ERBB2: variants seen among roughly 807,000 people sequenced by gnomAD.
ERBB2 encodes erb-b2 receptor tyrosine kinase 2.
A neutral mutation model predicts 149.0 loss-of-function variants in ERBB2; 61 were observed. The observed-to-expected ratio is 0.41, with a 90% confidence interval of 0.33 to 0.51. The LOEUF is 0.51. ERBB2 is among the 20% of genes least tolerant of loss of function. The probability of loss-of-function intolerance (pLI) is 0.25; values close to 1 mark genes in which losing one functional copy is unlikely to be tolerated. For missense variants in ERBB2, 1,205 were observed against 1,655.1 expected (o/e 0.73, Z 4.72); for synonymous variants, 633 against 678.8 (o/e 0.93, Z 1.05).
At chr17:39,715,209 G>A (rs1251210375) in intron 9 of ERBB2, 77 bp from the exon 10 acceptor site, 3 of 1,230,210 alleles carry the variant, frequency 2.4e-6, no homozygotes, top group African/African-American at 3.0e-5. Context: ...ATGGTGGGGA[G>A]TGGCTGGCAT....
At chr17:39,704,695 A>AAG in intron 1 of ERBB2, among the ~76,000 whole-genome samples, 1 of 152,246 alleles carries the variant, frequency 6.6e-6, no homozygotes, top group Non-Finnish European at 1.5e-5. Context: ...GTTAGCCAGC[A>AAG]AGCCTCCAGT....
rs2143058017 is a variant in ERBB2, at chr17:39,725,698, C to T, written c.2726-9C>T. The T allele has an allele frequency of 6.2e-7, 1 of 1,604,058 alleles. No homozygotes were observed. Among genetic ancestry groups the T allele is most frequent in the Non-Finnish European group, 8.5e-7 (1 of 1,174,706 alleles). ...GGCCCTCCCACTCCTGACCCTGTCT[C>T]TGCCTTAGGTGTGACTGTGTGGGAG... On this transcript the variant is annotated splice_polypyrimidine_tract_variant and intron_variant, in intron 22 of 26. Coordinates refer to ENST00000269571, the MANE Select transcript of ERBB2 (RefSeq NM_004448.4). This position sits in a 1 kb window ranked among gnomAD's most constrained non-coding sequence, Gnocchi z 4.6.
At position 39,723,357 on chromosome 17, in the gene ERBB2, T is replaced by C. The variant is rs2145803531; in HGVS notation, c.1985T>C (p.Leu662Pro). The C allele has an allele frequency of 6.2e-7, 1 of 1,614,060 alleles. No individual in the cohort carries two copies. Among genetic ancestry groups the C allele is most frequent in the Non-Finnish European group, 8.5e-7 (1 of 1,179,988 alleles). Residue 662 changes from leucine to proline, a missense_variant, in exon 17 of 27, where the codon CTG becomes CCG. Transcript: ENST00000269571. This position sits in a 1 kb window ranked among gnomAD's most constrained non-coding sequence, Gnocchi z 6.2. Reference protein sequence around the residue: ...TSIISAVVGILLVVVLGVVFG... With the variant: ...TSIISAVVGIPLVVVLGVVFG... ...ATCATCTCTGCGGTGGTTGGCATTC[T>C]GCTGGTCGTGGTCTTGGGGGTGGTC...
chr17:39,705,488 A>G (rs1324725123), intron 1 of ERBB2, among the ~76,000 whole-genome samples: 2 of 152,084 alleles, frequency 1.3e-5, no homozygotes, highest in Non-Finnish European at 2.9e-5. Flanking sequence ...AGGGGGTGCA[A>G]GTGGGTGAGG....
chr17:39,690,308 A>G (rs772526769), upstream of ERBB2, among the ~76,000 whole-genome samples: 7 of 152,232 alleles, frequency 4.6e-5, no homozygotes, highest in Middle Eastern at 3.4e-3. Context: ...CTGGTCTCCA[A>G]TTCCTGGGCT....
Position 39,710,210 on chromosome 17 carries a change from C to T in ERBB2, c.759+9C>T, listed in dbSNP as rs2145507676. The T allele has an allele frequency of 1.2e-6, 2 of 1,611,872 alleles. No homozygotes were observed. The highest frequency in any genetic ancestry group is 2.2e-5 in the South Asian group (2 of 91,048). On this transcript the variant is annotated intron_variant, in intron 6 of 26. Coordinates refer to ENST00000269571, the MANE Select transcript of ERBB2 (RefSeq NM_004448.4). ...AGCACTCTGACTGCCTGGTATGTGC[C>T]TCTGCTTTGTGCCCAATGTGCTCTA...
upstream of ERBB2, among the ~76,000 whole-genome samples, chr17:39,695,758 C>CGT (rs71147372): frequency 1.3e-5 from 2 of 148,802 alleles, no homozygotes; most frequent in Non-Finnish European, 3.0e-5. Context: ...CACACACACA[C>CGT]GTCTCCTGTG....
chr17:39,717,955 G>A (rs965338106), intron 15 of ERBB2, among the ~76,000 whole-genome samples: 3 of 151,974 alleles, frequency 2.0e-5, no homozygotes, highest in South Asian at 2.1e-4. Flanking sequence ...CTGGGATTAC[G>A]GGAACGTGCT....
intron 7 of ERBB2, among the ~76,000 whole-genome samples, chr17:39,710,832 C>A (rs1030199850): frequency 6.6e-6 from 1 of 152,204 alleles, no homozygotes; most frequent in Non-Finnish European, 1.5e-5. Context: ...ATTTGTAAAG[C>A]TCTTAGAACG....
At position 39,727,398 on chromosome 17, in the gene ERBB2, G is replaced by A. The variant is rs749154778; in HGVS notation, c.3263G>A (p.Gly1088Asp). 19 of 1,610,604 alleles carry A rather than the reference G, an allele frequency of 1.2e-5. No individual in the cohort carries two copies. The highest frequency in any genetic ancestry group is 1.6e-5 in the Non-Finnish European group (19 of 1,178,802). The change falls in exon 26 of 27, where the codon GGT (glycine) becomes GAT (aspartate). Residue 1088 changes from glycine to aspartate, a missense_variant. Around this residue, in one of 6 missense-constraint regions of ERBB2, gnomAD observed 312 missense variants for 343.8 expected, o/e 0.91. Coordinates refer to ENST00000269571, the MANE Select transcript of ERBB2 (RefSeq NM_004448.4). This position sits in a 1 kb window ranked among gnomAD's most constrained non-coding sequence, Gnocchi z 4.3. ...GGGGCTGGCTCCGATGTATTTGATGGTGACCTGGGAATGGGGGCAGCCAAG... is the reference window on the plus strand; with the variant it reads ...GGGGCTGGCTCCGATGTATTTGATGATGACCTGGGAATGGGGGCAGCCAAG... ...SEGAGSDVFD[G>D]DLGMGAAKGL...
chr17:39,719,337 A>G (rs541149728), intron 15 of ERBB2, among the ~76,000 whole-genome samples: 2 of 152,310 alleles, frequency 1.3e-5, no homozygotes, highest in South Asian at 2.1e-4. Flanking sequence ...GTGTTAGAAC[A>G]TGGAAAAACA....
intron 3 of ERBB2, 52 bp from the exon 4 acceptor site, chr17:39,709,266 G>A (rs2058652635): frequency 6.2e-7 from 1 of 1,606,714 alleles, no homozygotes; most frequent in East Asian, 2.2e-5. Flanking sequence ...CCCAAGGGAA[G>A]CAGAAGGTGA....
In ERBB2 at chr17:39,710,432, T is replaced by C. The variant is rs1390048681; in HGVS notation, c.852T>C (p.Asn284=). Residue 284 remains asparagine, a synonymous_variant, in exon 7 of 27, where the codon AAT becomes AAC. Coordinates refer to ENST00000269571, the MANE Select transcript of ERBB2 (RefSeq NM_004448.4). ...YNTDTFESMP[N]PEGRYTFGAS... The stretch of plus-strand genomic sequence containing the variant: ...CAGACACGTTTGAGTCCATGCCCAA[T>C]CCCGAGGGCCGGTATACATTCGGCG... 2 of 1,614,028 alleles carry C rather than the reference T, an allele frequency of 1.2e-6. No homozygotes were observed. The highest frequency in any genetic ancestry group is 2.2e-5 in the South Asian group (2 of 91,080).
chr17:39,695,526 A>G (rs2057837634), upstream of ERBB2, among the ~76,000 whole-genome samples: 1 of 152,104 alleles, frequency 6.6e-6, no homozygotes, highest in Admixed American at 6.6e-5. Context: ...TAATTCCTAC[A>G]GTCACTTCCC....
intron 16 of ERBB2, among the ~76,000 whole-genome samples, chr17:39,722,925 A>G (rs775280015): frequency 4.6e-5 from 7 of 152,148 alleles, no homozygotes; most frequent in Admixed American, 2.6e-4. Flanking sequence ...GGGTTTCACT[A>G]TGTTGGCCAG....
At position 39,700,182 on chromosome 17, in the gene ERBB2, C is replaced by T. The variant is rs2057999728; in HGVS notation, c.-57C>T. The T allele has an allele frequency of 7.3e-7, 1 of 1,364,394 alleles. No individual in the cohort carries two copies. The highest frequency in any genetic ancestry group is 9.4e-7 in the Non-Finnish European group (1 of 1,065,580). 84.5% of individuals were successfully genotyped at this position (1,364,394 alleles called of 1,614,324 possible). On this transcript the variant is annotated 5_prime_UTR_variant, in exon 1 of 27. Transcript: ENST00000269571. The stretch of plus-strand genomic sequence containing the variant: ...CCACCCCTCGCAGCACCCCGCGCCC[C>T]GCGCCCTCCCAGCCGGGTCCAGCCG...
chr17:39,728,545 T>G lies in ERBB2; in HGVS notation c.*501T>G, dbSNP rs1250593564. 4.3e-6 allele frequency: 1 copy of G among 234,364 alleles called. No homozygotes were observed. The highest frequency in any genetic ancestry group is 6.0e-5 in the East Asian group (1 of 16,748). 14.5% of individuals were successfully genotyped at this position (234,364 alleles called of 1,614,324 possible). On this transcript the variant is annotated 3_prime_UTR_variant, in exon 27 of 27. Coordinates refer to ENST00000269571, the MANE Select transcript of ERBB2 (RefSeq NM_004448.4). ...AGTTTTTACTTTTTTTGTTTTGTTT[T>G]TTTAAAGATGAAATAAAGACCCAGG...
rs1372832259 is a variant in ERBB2, at chr17:39,728,196, G to T, written c.*152G>T. On this transcript the variant is annotated 3_prime_UTR_variant, in exon 27 of 27. Transcript: ENST00000269571. ...CCTGTCCTAAGGAACCTTCCTTCCT[G>T]CTTGAGTTCCCAGATGGCTGGAAGG... 38 of 583,194 alleles carry T rather than the reference G, an allele frequency of 6.5e-5. No homozygotes were observed. Among genetic ancestry groups the T allele is most frequent in the Non-Finnish European group, 1.1e-4 (38 of 334,382 alleles). 36.1% of individuals were successfully genotyped at this position (583,194 alleles called of 1,614,324 possible).
upstream of ERBB2, among the ~76,000 whole-genome samples, chr17:39,695,968 C>G (rs1033675781): frequency 4.6e-5 from 7 of 152,170 alleles, no homozygotes; most frequent in African/African-American, 1.7e-4. Context: ...GTTTGCTGCC[C>G]TCTGTCCCGC....
Sources: allele counts gnomAD v4.1 joint callset (sites outside exome capture counted in the v4.1 genomes callset), GRCh38; gene constraint gnomAD v4.1.1; regional missense constraint gnomAD v4.1.1; non-coding constraint Gnocchi (gnomAD v3.1); transcripts MANE v1.5; gene names NCBI Gene and HGNC (gene_info 2026-07-23, HGNC 2026-07-21).